Variants in METTL8 observed in about 807,000 individuals in gnomAD.
METTL8 encodes the protein tRNA N(3)-cytidine methyltransferase METTL8, mitochondrial.
Under a neutral mutation model 48.7 loss-of-function variants are expected in METTL8, and 32 were observed. The ratio of observed to expected loss-of-function variants is 0.66; its 90% CI spans 0.50 to 0.88. The LOEUF (loss-of-function observed/expected upper bound fraction) is 0.88, where lower values mean the gene tolerates loss of function less well. METTL8 is among the 40% of genes least tolerant of loss of function. The pLI is 0.00. For synonymous variants in METTL8, 136 were observed against 157.1 expected (o/e 0.87, Z 1.01); for missense variants, 464 against 474.4 (o/e 0.98, Z 0.20).
chr2:171,366,151 A>T (rs1215253039), intron 2 of METTL8, among the ~76,000 whole-genome samples: 1 of 152,168 alleles, frequency 6.6e-6, no homozygotes, highest in African/African-American at 2.4e-5. Context: ...AAGAGAGAGG[A>T]TTCTAGGAAT....
intron 1 of METTL8, among the ~76,000 whole-genome samples, chr2:171,393,381 G>A (rs1453619430): frequency 8.0e-6 from 1 of 125,750 alleles, no homozygotes. Context: ...CTGGGTCATA[G>A]AGCAAGACTC....
chr2:171,351,516 T>G (rs1235510035), intron 3 of METTL8, among the ~76,000 whole-genome samples: 1 of 152,224 alleles, frequency 6.6e-6, no homozygotes, highest in Non-Finnish European at 1.5e-5. Flanking sequence ...ATTGGCAGCT[T>G]GATGGGGATG....
intron 3 of METTL8, among the ~76,000 whole-genome samples, chr2:171,355,631 CG>C (rs1575816509): frequency 3.3e-5 from 5 of 151,234 alleles, no homozygotes; most frequent in South Asian, 2.1e-4. Flanking sequence ...TCGAGCTTCC[CG>C]GCCGCTTTGT....
At position 171,393,407 on chromosome 2, in the gene METTL8, CA is replaced by C. The variant is rs10629650; in HGVS notation, c.-12-1211del. On this transcript the variant is annotated intron_variant, in intron 1 of 9. Coordinates refer to ENST00000375258, the MANE Select transcript of METTL8 (RefSeq NM_001321154.2). ...AGCAAGACTCTGTCTTATAAAAAAGCAAAAAAAAAAAAAAAAAAGCATGCTT... is the reference window on the plus strand; with the variant it reads ...AGCAAGACTCTGTCTTATAAAAAAGCAAAAAAAAAAAAAAAAAGCATGCTT... Among the ~76,000 whole-genome samples the C allele has an allele frequency of 1.6e-3, 162 of 104,166 alleles. 3 individuals are homozygous for C. The East Asian group carries it at 0.016, about 10-fold the overall frequency. The allele number at this position is 104,166 out of a possible 152,430, so 68.3% of individuals were successfully genotyped here.
At chr2:171,422,383 A>G (rs1691962474) in intron 1 of METTL8, among the ~76,000 whole-genome samples, 1 of 152,248 alleles carries the variant, frequency 6.6e-6, no homozygotes, top group Admixed American at 6.5e-5. Flanking sequence ...TTAAAACTTT[A>G]AAACCTAGAA....
intron 1 of METTL8, among the ~76,000 whole-genome samples, chr2:171,400,659 C>T (rs1175945281): frequency 6.6e-6 from 1 of 152,108 alleles, no homozygotes; most frequent in Non-Finnish European, 1.5e-5. Flanking sequence ...TCTTGCATCA[C>T]CTAAATAATG....
chr2:171,418,640 A>G (rs551015133), intron 1 of METTL8, among the ~76,000 whole-genome samples: 1 of 151,914 alleles, frequency 6.6e-6, no homozygotes, highest in South Asian at 2.1e-4. Context: ...AATTATTTTG[A>G]GCTTTGGCCA....
chr2:171,395,489 G>C (rs989688122), intron 1 of METTL8, among the ~76,000 whole-genome samples: 1 of 152,046 alleles, frequency 6.6e-6, no homozygotes, highest in African/African-American at 2.4e-5. Flanking sequence ...GAAACAAATA[G>C]ATTAACGTAA....
rs1688631714 is a variant in METTL8 at position 171,392,108 on chromosome 2, G to T, written c.78C>A (p.His26Gln). ...KVPHRYQSGY[H>Q]PVAPLGSRIL... ...TCCTTGATCCCAGAGGGGCCACTGGGTGGTAACCACTTTGGTATCTGTGTG... is the reference window on the plus strand; with the variant it reads ...TCCTTGATCCCAGAGGGGCCACTGGTTGGTAACCACTTTGGTATCTGTGTG... Residue 26 changes from histidine (H) to glutamine (Q), a missense_variant, in exon 2 of 10, where the codon CAC (histidine) becomes CAA (glutamine). By Grantham distance (24) the His-to-Gln change is conservative (BLOSUM62 0). Transcript: ENST00000375258. 2.0e-5 allele frequency: 31 copies of T among 1,551,516 alleles called. No individual in the cohort carries two copies. The highest frequency in any genetic ancestry group is 2.7e-5 in the Non-Finnish European group (31 of 1,146,932).
chr2:171,433,708 C>T lies in METTL8; in HGVS notation c.-13+175G>A, dbSNP rs544336519. ...TGAAATGAAGCAATTATCGCAAAAC[C>T]AGTCAGTGTCCCCGCAGGCCACCCA... On this transcript the variant is annotated intron_variant, in intron 1 of 9. Transcript: ENST00000375258. Among the ~76,000 whole-genome samples the T allele has an allele frequency of 8.5e-5, 13 of 152,300 alleles. No homozygotes were observed. In the East Asian group the frequency reaches 2.3e-3, roughly 27 times the overall value.
chr2:171,413,272 C>T (rs1454849304), intron 1 of METTL8, among the ~76,000 whole-genome samples: 1 of 152,178 alleles, frequency 6.6e-6, no homozygotes, highest in African/African-American at 2.4e-5. Flanking sequence ...TCTGAAGAGA[C>T]AAAGCACTCC....
chr2:171,345,513 T>G (rs1275601980), intron 3 of METTL8, among the ~76,000 whole-genome samples: 1 of 152,174 alleles, frequency 6.6e-6, no homozygotes, highest in Non-Finnish European at 1.5e-5. Flanking sequence ...TAAAAGTATG[T>G]TTCTAAGAGC....
chr2:171,349,058 G>T (rs1683599216), intron 3 of METTL8, among the ~76,000 whole-genome samples: 2 of 152,106 alleles, frequency 1.3e-5, no homozygotes, highest in Non-Finnish European at 2.9e-5. Flanking sequence ...GTTCAGTACT[G>T]TTGAGTATAT....
At chr2:171,337,234 T>C (rs1057119076) in intron 5 of METTL8, among the ~76,000 whole-genome samples, 1 of 152,192 alleles carries the variant, frequency 6.6e-6, no homozygotes, top group African/African-American at 2.4e-5. Context: ...AAAACAATGA[T>C]GGACAACCCA....
chr2:171,351,625 CTCTTT>C (rs1294179055), intron 3 of METTL8, among the ~76,000 whole-genome samples: 1 of 152,020 alleles, frequency 6.6e-6, no homozygotes, highest in East Asian at 1.9e-4. Flanking sequence ...TGTTTGTGTC[CTCTTT>C]TATTTTGTTG....
chr2:171,361,155 A>G (rs1229068910), intron 2 of METTL8, among the ~76,000 whole-genome samples: 1 of 152,142 alleles, frequency 6.6e-6, no homozygotes, highest in Non-Finnish European at 1.5e-5. Context: ...ATGAGAAGAT[A>G]CTATTTTCTG....
At position 171,321,780 on chromosome 2, in the gene METTL8, T is replaced by C. The variant is rs1343112058; in HGVS notation, c.*2392A>G. ...CCAGCTGTACTCTATTTATGCTCCC[T>C]GAAGAGCATAAACAAGGCTGGGTCT... is the stretch of plus-strand genomic sequence containing the variant. On this transcript the variant is annotated 3_prime_UTR_variant, in exon 10 of 10. Transcript: ENST00000375258. 1 of 152,134 alleles carries C rather than the reference T, an allele frequency of 6.6e-6. No homozygotes were observed. The highest frequency in any genetic ancestry group is 1.9e-4 in the East Asian group (1 of 5,190). The allele number at this position is 152,134 out of a possible 1,614,324, so 9.4% of individuals were successfully genotyped here. A position where few individuals can be genotyped will look rare whatever the true frequency, so the allele number is the denominator to read the frequency against.
intron 2 of METTL8, among the ~76,000 whole-genome samples, chr2:171,390,039 G>T (rs1202607052): frequency 6.6e-6 from 1 of 152,204 alleles, no homozygotes; most frequent in Non-Finnish European, 1.5e-5. Context: ...AAGGCAGTTG[G>T]TGACTTTAAG....
intron 3 of METTL8, among the ~76,000 whole-genome samples, chr2:171,350,582 G>A (rs1683801114): frequency 6.6e-6 from 1 of 152,180 alleles, no homozygotes; most frequent in African/African-American, 2.4e-5. Context: ...CCCACCGACA[G>A]TTTAAAAGTG....
Sources: allele counts gnomAD v4.1 joint callset (sites outside exome capture counted in the v4.1 genomes callset), GRCh38; gene constraint gnomAD v4.1.1; transcripts MANE v1.5; gene names NCBI Gene and HGNC (gene_info 2026-07-23, HGNC 2026-07-21).